Variants in SLITRK3 observed in about 807,000 individuals in gnomAD.
The protein encoded by SLITRK3 is SLIT and NTRK-like protein 3.
SLITRK3 carries 16 observed loss-of-function variants against 63.6 expected under a neutral mutation model. The observed-to-expected ratio is 0.25, with a 90% CI of 0.17 to 0.38. The LOEUF (loss-of-function observed/expected upper bound fraction) is 0.38, where lower values mean the gene tolerates loss of function less well. SLITRK3 is among the 10% of genes least tolerant of loss of function. The pLI, the probability that SLITRK3 is intolerant of heterozygous loss-of-function variation, is 1.00. For synonymous variants in SLITRK3, 547 were observed against 451.6 expected (o/e 1.21, Z -2.68); for missense variants, 1,117 against 1,181.4 (o/e 0.95, Z 0.80).
Position 165,188,824 on chromosome 3 carries a change from A to G in SLITRK3, c.2007T>C (p.Phe669=), listed in dbSNP as rs1263652276. 2 of 1,614,164 alleles carry G rather than the reference A, an allele frequency of 1.2e-6. No individual in the cohort carries two copies. The highest frequency in any genetic ancestry group is 2.2e-5 in the East Asian group (1 of 44,864). The part of the protein sequence containing the change: ...SLLVLFFSAV[F]VAAGLFAYVL... ...CGTAGGCAAAGAGGCCTGCAGCAAC[A>G]AAGACTGCTGAGAAAAACAGAACCA... is the stretch of plus-strand genomic sequence containing the variant. The change falls in exon 2 of 2, where the codon TTT becomes TTC. Residue 669 remains phenylalanine (F), a synonymous_variant. Coordinates refer to ENST00000475390, the MANE Select transcript of SLITRK3 (RefSeq NM_001318810.2).
At position 165,189,046 on chromosome 3, in the gene SLITRK3, C is replaced by T. The variant is rs1718081581; in HGVS notation, c.1785G>A (p.Glu595=). ...TGCGCACATCACGGTGCGTGAGGTT[C>T]TCAGGGCTCCTGCAAAGCACATCAC... is the stretch of plus-strand genomic sequence containing the variant. ...VVGDVLCRSP[E]NLTHRDVRTI... is the part of the protein sequence containing the mutation. The change falls in exon 2 of 2, where the codon GAG becomes GAA. Residue 595 remains glutamate, a synonymous_variant. Transcript: ENST00000475390. The surrounding 1 kb of genome is among the most constrained non-coding windows in gnomAD (Gnocchi z 4.0). The T allele has an allele frequency of 6.2e-7, 1 of 1,614,156 alleles. No individual in the cohort carries two copies.
At position 165,190,759 on chromosome 3, in the gene SLITRK3, A is replaced by G. The variant is rs933107702; in HGVS notation, c.72T>C (p.Ala24=). Residue 24 remains alanine (A), a synonymous_variant, in exon 2 of 2, where the codon GCT becomes GCC. Coordinates refer to ENST00000475390, the MANE Select transcript of SLITRK3 (RefSeq NM_001318810.2). ...GGGGAATCGGGGTAGTCCATCCTAG[A>G]GCAATTGTGCTTAGAAGAATTATCC... ...MLWIILLSTI[A]LGWTTPIPLI... 2 of 1,613,480 alleles carry G rather than the reference A, an allele frequency of 1.2e-6. No individual in the cohort carries two copies. The highest frequency in any genetic ancestry group is 2.2e-5 in the East Asian group (1 of 44,860).
Position 165,190,784 on chromosome 3 carries a change from C to G in SLITRK3, c.47G>C (p.Trp16Ser). 12 of 1,610,818 alleles carry G rather than the reference C, an allele frequency of 7.4e-6. No individual in the cohort carries two copies. The highest frequency in any genetic ancestry group is 1.3e-5 in the African/African-American group (1 of 74,916). The change falls in exon 2 of 2, where the codon TGG (tryptophan) becomes TCG (serine). Residue 16 changes from tryptophan to serine, a missense_variant. Physicochemically the swap from Trp to Ser is radical, Grantham distance 177. Around this residue, in one of 4 missense-constraint regions of SLITRK3, gnomAD observed 452 missense variants for 495.3 expected, o/e 0.91. Coordinates refer to ENST00000475390, the MANE Select transcript of SLITRK3 (RefSeq NM_001318810.2). ...AEMLHRGRML[W>S]IILLSTIALG... is the part of the protein sequence containing the mutation. ...AGCAATTGTGCTTAGAAGAATTATCCACAACATCCTTCCTCTGTGAAGCAT... is the reference window on the plus strand; with the variant it reads ...AGCAATTGTGCTTAGAAGAATTATCGACAACATCCTTCCTCTGTGAAGCAT...
intron 1 of SLITRK3, among the ~76,000 whole-genome samples, chr3:165,194,957 C>G (rs989523683): frequency 9.9e-5 from 15 of 152,104 alleles, no homozygotes; most frequent in African/African-American, 3.4e-4. Context: ...CTGCTGGGAG[C>G]GCCCAGAGCC....
upstream of SLITRK3, chr3:165,196,926 T>TCTCTCTCTCTCTCTCTCTCTCC (rs1560057640): frequency 3.2e-5 from 1 of 31,112 alleles, no homozygotes; most frequent in African/African-American, 7.8e-5. Flanking sequence ...TCTCTCTCTC[T>TCTCTCTCTCTCTCTCTCTCTCC]CCTCTCTCTG....
In SLITRK3 at chr3:165,187,787, TC is replaced by T; in HGVS notation, c.*109del. The T allele has an allele frequency of 1.1e-6, 1 of 877,474 alleles. No homozygotes were observed. Among genetic ancestry groups the T allele is most frequent in the Non-Finnish European group, 1.8e-6 (1 of 570,358 alleles). The allele number at this position is 877,474 out of a possible 1,614,324, so 54.4% of individuals were successfully genotyped here. A position where few individuals can be genotyped will look rare whatever the true frequency, so the allele number is the denominator to read the frequency against. ...TTAGTTTTGTTCAGGGTAGGAAAGA[TC>T]GTGAGGATGGAGTTACTGGGACAAG... On this transcript the variant is annotated 3_prime_UTR_variant, in exon 2 of 2. Coordinates refer to ENST00000475390, the MANE Select transcript of SLITRK3 (RefSeq NM_001318810.2).
Position 165,188,655 on chromosome 3 carries a change from T to G in SLITRK3, c.2176A>C (p.Thr726Pro). The G allele has an allele frequency of 6.2e-7, 1 of 1,613,418 alleles. No individual in the cohort carries two copies. The highest frequency in any genetic ancestry group is 8.5e-7 in the Non-Finnish European group (1 of 1,179,824). The change falls in exon 2 of 2, where the codon ACT becomes CCT. Residue 726 changes from threonine (T) to proline (P), a missense_variant. By Grantham distance (38) the Thr-to-Pro change is conservative (BLOSUM62 -1). Around this residue, in one of 4 missense-constraint regions of SLITRK3, gnomAD observed 499 missense variants for 463.6 expected, o/e 1.08. Transcript: ENST00000475390. ...GGGSGGGGRP[T>P]LSSPEKAPPV... ...GGGGCCTTCTCTGGAGAGGAAAGAG[T>G]TGGTCGACCACCACCCCCACTTCCG...
In SLITRK3 at chr3:165,190,477, A is replaced by G. The variant is rs1252654096; in HGVS notation, c.354T>C (p.Thr118=). The change falls in exon 2 of 2, where the codon ACT becomes ACC. Residue 118 remains threonine (T), a synonymous_variant. Transcript: ENST00000475390. ...AAATCTTAAGACCATTGAAAGCTCC[A>G]GTCTGAATGTCCTGCAATGCATTGT... The part of the protein sequence containing the change: ...LGNNALQDIQ[T]GAFNGLKILK... 6 of 1,613,854 alleles carry G rather than the reference A, an allele frequency of 3.7e-6. No individual in the cohort carries two copies. The highest frequency in any genetic ancestry group is 1.7e-5 in the Admixed American group (1 of 60,002).
chr3:165,188,676 T>G lies in SLITRK3; in HGVS notation c.2155A>C (p.Ser719Arg). The change falls in exon 2 of 2, where the codon AGT becomes CGT. Residue 719 changes from serine (S) to arginine (R), a missense_variant. Around this residue, in one of 4 missense-constraint regions of SLITRK3, gnomAD observed 499 missense variants for 463.6 expected, o/e 1.08. Transcript: ENST00000475390. The part of the protein sequence containing the change: ...FEDGGGGGGG[S>R]GGGGRPTLSS... ...AGAGTTGGTCGACCACCACCCCCAC[T>G]TCCGCCACCACCACCTCCACCATCC... 21 of 1,613,822 alleles carry G rather than the reference T, an allele frequency of 1.3e-5. No individual in the cohort carries two copies. The highest frequency in any genetic ancestry group is 1.7e-5 in the Non-Finnish European group (20 of 1,179,860).
chr3:165,194,286 G>A (rs1312974964), intron 1 of SLITRK3, among the ~76,000 whole-genome samples: 1 of 152,132 alleles, frequency 6.6e-6, no homozygotes, highest in Non-Finnish European at 1.5e-5. Flanking sequence ...TTAAAGCAAA[G>A]CACAGCTTAC....
intron 1 of SLITRK3, among the ~76,000 whole-genome samples, chr3:165,191,750 A>G (rs1390005874): frequency 4.6e-5 from 7 of 152,224 alleles, no homozygotes; most frequent in Non-Finnish European, 8.8e-5. Flanking sequence ...CTTCAAGATC[A>G]ACTGAGGAAC....
Position 165,190,522 on chromosome 3 carries a change from A to G in SLITRK3, c.309T>C (p.Ala103=). 1 of 1,613,740 alleles carries G rather than the reference A, an allele frequency of 6.2e-7. No homozygotes were observed. Among genetic ancestry groups the G allele is most frequent in the Non-Finnish European group, 8.5e-7 (1 of 1,179,804 alleles). The part of the protein sequence containing the change: ...YTNSFLHLNN[A]VSINLGNNAL... Reference sequence around the variant, plus strand: ...CATTGTTCCCAAGATTAATAGACACAGCATTATTCAAATGAAGAAAACTGT... The same window carrying G: ...CATTGTTCCCAAGATTAATAGACACGGCATTATTCAAATGAAGAAAACTGT... The change falls in exon 2 of 2, where the codon GCT becomes GCC. Residue 103 remains alanine (A), a synonymous_variant. Coordinates refer to ENST00000475390, the MANE Select transcript of SLITRK3 (RefSeq NM_001318810.2).
rs1007055969 is a variant in SLITRK3, at chr3:165,187,710, C to T, written c.*187G>A. 2.4e-5 allele frequency: 12 copies of T among 500,582 alleles called. No homozygotes were observed. The highest frequency in any genetic ancestry group is 3.2e-5 in the Non-Finnish European group (9 of 285,138). 31.0% of individuals were successfully genotyped at this position (500,582 alleles called of 1,614,324 possible). On this transcript the variant is annotated 3_prime_UTR_variant, in exon 2 of 2. Transcript: ENST00000475390. ...TCTGAGTATGGCCCTTCCTCCAAAT[C>T]GCATCTGAGAGGGGAGAGCATACAT...
chr3:165,188,246 T>G lies in SLITRK3; in HGVS notation c.2585A>C (p.His862Pro), dbSNP rs377258565. 6.2e-7 allele frequency: 1 copy of G among 1,613,758 alleles called. No individual in the cohort carries two copies. The highest frequency in any genetic ancestry group is 1.3e-5 in the African/African-American group (1 of 74,922). ...GTGGDLAGFR[H>P]HEKNGGVVLF... is the part of the protein sequence containing the mutation. ...CACCACCCCACCATTTTTCTCATGGTGGCGGAACCCTGCCAAGTCTCCCCC... is the reference window on the plus strand; with the variant it reads ...CACCACCCCACCATTTTTCTCATGGGGGCGGAACCCTGCCAAGTCTCCCCC... Residue 862 changes from histidine (H) to proline (P), a missense_variant, in exon 2 of 2, where the codon CAC (histidine) becomes CCC (proline). By Grantham distance (77) the His-to-Pro change is moderately conservative. This residue lies in a region of SLITRK3 where 499 missense variants were observed against 463.6 expected (regional missense o/e 1.08). Coordinates refer to ENST00000475390, the MANE Select transcript of SLITRK3 (RefSeq NM_001318810.2).
intron 1 of SLITRK3, 110 bp from the exon 2 acceptor site, chr3:165,190,961 T>C (rs1718202415): frequency 5.6e-6 from 4 of 717,258 alleles, no homozygotes; most frequent in Non-Finnish European, 8.9e-6. Context: ...TCAGCAATTG[T>C]TGAAGTGACA....
Position 165,189,368 on chromosome 3 carries a change from T to G in SLITRK3, c.1463A>C (p.Glu488Ala). Residue 488 changes from glutamate to alanine, a missense_variant, in exon 2 of 2, where the codon GAG becomes GCG. Glu to Ala is a moderately radical substitution (Grantham distance 107, BLOSUM62 -1). Around this residue, in one of 4 missense-constraint regions of SLITRK3, gnomAD observed 158 missense variants for 197.2 expected, o/e 0.80. Transcript: ENST00000475390. The surrounding 1 kb of genome is among the most constrained non-coding windows in gnomAD (Gnocchi z 4.0). ...GLQSLHYLYFEFNVIREIQPA... is the reference protein window; with the variant it reads ...GLQSLHYLYFAFNVIREIQPA... The stretch of plus-strand genomic sequence containing the variant: ...CTGGATTTCCCGGATGACATTGAAC[T>G]CAAAGTACAAGTAGTGCAAACTCTG... 6.2e-7 allele frequency: 1 copy of G among 1,614,134 alleles called. No individual in the cohort carries two copies. The highest frequency in any genetic ancestry group is 8.5e-7 in the Non-Finnish European group (1 of 1,180,024).
intron 1 of SLITRK3, among the ~76,000 whole-genome samples, chr3:165,193,048 C>A (rs191396648): frequency 1.7e-3 from 263 of 152,056 alleles, no homozygotes; most frequent in African/African-American, 5.9e-3. Context: ...CCAAAGGGAA[C>A]GCGCTTAGCA....
Position 165,189,704 on chromosome 3 carries a change from C to T in SLITRK3, c.1127G>A (p.Gly376Glu), listed in dbSNP as rs1159700109. Residue 376 changes from glycine to glutamate, a missense_variant, in exon 2 of 2, where the codon GGG (glycine) becomes GAG (glutamate). Gly to Glu is a moderately conservative substitution (Grantham distance 98, BLOSUM62 -2). Transcript: ENST00000475390. The surrounding 1 kb of genome is among the most constrained non-coding windows in gnomAD (Gnocchi z 4.0). ...RPPIPIICPT[G>E]CTCNLHINDL... is the part of the protein sequence containing the mutation. Reference sequence around the variant, plus strand: ...ATTGATGTGCAAATTACAGGTACACCCAGTGGGGCATATAATGGGGATTGG... The same window carrying T: ...ATTGATGTGCAAATTACAGGTACACTCAGTGGGGCATATAATGGGGATTGG... The T allele has an allele frequency of 6.2e-6, 10 of 1,613,904 alleles. No homozygotes were observed. In the Admixed American group the frequency reaches 1.2e-4, roughly 19 times the overall value.
chr3:165,188,625 C>A lies in SLITRK3; in HGVS notation c.2206G>T (p.Val736Leu), dbSNP rs989521402. 1.9e-6 allele frequency: 3 copies of A among 1,613,824 alleles called. No homozygotes were observed. Among genetic ancestry groups the A allele is most frequent in the South Asian group, 2.2e-5 (2 of 91,064 alleles). Residue 736 changes from valine (V) to leucine (L), a missense_variant, in exon 2 of 2, where the codon GTG (valine) becomes TTG (leucine). Coordinates refer to ENST00000475390, the MANE Select transcript of SLITRK3 (RefSeq NM_001318810.2). ...TLSSPEKAPP[V>L]GHVYEYIPHP... ...GGGATGTACTCATACACATGACCCA[C>A]GGGAGGGGCCTTCTCTGGAGAGGAA... is the stretch of plus-strand genomic sequence containing the variant.
Sources: gnomAD v4.1 joint callset for allele counts (sites outside exome capture counted in the v4.1 genomes callset) on GRCh38, gnomAD v4.1.1 for gene constraint, gnomAD v4.1.1 regional missense constraint, Gnocchi (gnomAD v3.1) non-coding constraint, MANE v1.5 for transcripts, NCBI Gene and HGNC (gene_info 2026-07-23, HGNC 2026-07-21) for gene names.